MLC1: variants seen among roughly 807,000 people sequenced by gnomAD.
MLC1 encodes membrane protein MLC1.
MLC1 carries 32 observed loss-of-function variants against 44.7 expected under a neutral mutation model. The observed-to-expected ratio is 0.72, with a 90% CI of 0.54 to 0.96. The LOEUF (loss-of-function observed/expected upper bound fraction) is 0.96. Among genes scored for constraint, MLC1 ranks in the 40% least tolerant of loss-of-function variants. The pLI is 0.00. For synonymous variants in MLC1, 190 were observed against 213.0 expected (o/e 0.89, Z 0.94); for missense variants, 459 against 492.2 (o/e 0.93, Z 0.64).
chr22:50,080,147 G>T, intron 4 of MLC1, 128 bp from the exon 5 acceptor site: 1 of 1,010,384 alleles, frequency 9.9e-7, no homozygotes. Context: ...GGAGTCCTGC[G>T]TGCTCAGCCC....
chr22:50,077,541 T>C, intron 5 of MLC1, 39 bp from the exon 6 acceptor site: 1 of 1,535,226 alleles, frequency 6.5e-7, no homozygotes, highest in Non-Finnish European at 9.0e-7. Context: ...CGGGCCCGCC[T>C]TTCTCACGCC....
chr22:50,064,140 A>C lies in MLC1; in HGVS notation c.953T>G (p.Leu318Arg). The C allele has an allele frequency of 6.2e-7, 1 of 1,608,756 alleles. No individual in the cohort carries two copies. The highest frequency in any genetic ancestry group is 8.5e-7 in the Non-Finnish European group (1 of 1,179,840). ...LLLVLLLQAG[L>R]NTGTAIQCVR... The stretch of plus-strand genomic sequence containing the variant: ...GCACTGGATGGCGGTGCCCGTGTTG[A>C]GGCCGGCCTGCAGCAGGAGCACTAG... The change falls in exon 11 of 12, where the codon CTC becomes CGC. Residue 318 changes from leucine to arginine, a missense_variant. Transcript: ENST00000311597.
intron 10 of MLC1, among the ~76,000 whole-genome samples, chr22:50,067,428 CCT>C (rs2061728758): frequency 7.4e-6 from 1 of 134,758 alleles, no homozygotes; most frequent in African/African-American, 2.8e-5. Flanking sequence ...GACTCTATCC[CCT>C]GTCAGGCAGT....
rs1292468048 is a variant in MLC1 at position 50,076,931 on chromosome 22, G to A, written c.526-19C>T. 5 of 1,613,652 alleles carry A rather than the reference G, an allele frequency of 3.1e-6. No homozygotes were observed. The highest frequency in any genetic ancestry group is 4.2e-6 in the Non-Finnish European group (5 of 1,179,776). ...TGGAGCCCTACGAAGAAACAGAACT[G>A]TCACCCCGGGTGCACGGGCACAGGG... On this transcript the variant is annotated intron_variant, in intron 6 of 11. Transcript: ENST00000311597.
chr22:50,076,322 G>A (rs2061979539), intron 7 of MLC1, among the ~76,000 whole-genome samples: 1 of 152,048 alleles, frequency 6.6e-6, no homozygotes, highest in African/African-American at 2.4e-5. Context: ...TGGAAGGCCT[G>A]GGTGGGTGGA....
intron 5 of MLC1, among the ~76,000 whole-genome samples, chr22:50,078,175 A>T (rs893827612): frequency 6.6e-6 from 1 of 151,878 alleles, no homozygotes; most frequent in Admixed American, 6.6e-5. Flanking sequence ...TATTTTTAGT[A>T]GAGAGGGGTT....
chr22:50,082,002 G>A (rs1273202503), intron 3 of MLC1, among the ~76,000 whole-genome samples: 1 of 152,268 alleles, frequency 6.6e-6, no homozygotes, highest in African/African-American at 2.4e-5. Flanking sequence ...AGAGACCCAG[G>A]ACAGCACGGG....
chr22:50,061,524 G>C lies in MLC1; in HGVS notation c.*59C>G. ...CAGTAGCTCAGGGCGATTAGGGGTT[G>C]TGCGTTTCCATGCTTGGGGCCAGGC... is the stretch of plus-strand genomic sequence containing the variant. On this transcript the variant is annotated 3_prime_UTR_variant, in exon 12 of 12. Transcript: ENST00000311597. The C allele has an allele frequency of 6.5e-7, 1 of 1,528,676 alleles. No individual in the cohort carries two copies. Among genetic ancestry groups the C allele is most frequent in the African/African-American group, 1.4e-5 (1 of 73,118 alleles). 94.7% of individuals were successfully genotyped at this position (1,528,676 alleles called of 1,614,324 possible).
rs764969139 is a variant in MLC1 at position 50,074,216 on chromosome 22, G to A, written c.714C>T (p.Ala238=). ...LSVTFFWILV[A]CFPSAIASHV... ...CGGGCGGGCCAGAGGGGTTACTCAC[G>A]GCCACTAGGATCCAAAAGAACGTCA... The change falls in exon 8 of 12, where the codon GCC becomes GCT. Residue 238 remains alanine, a splice_region_variant and synonymous_variant. Coordinates refer to ENST00000311597, the MANE Select transcript of MLC1 (RefSeq NM_015166.4). The A allele has an allele frequency of 1.6e-5, 25 of 1,611,804 alleles. No individual in the cohort carries two copies. The highest frequency in any genetic ancestry group is 1.1e-4 in the African/African-American group (8 of 74,878).
At chr22:50,067,407 C>CGTCAGGCAGTGACTCTATCCCCT (rs1324292006) in intron 10 of MLC1, among the ~76,000 whole-genome samples, 1 of 140,980 alleles carries the variant, frequency 7.1e-6, no homozygotes, top group Admixed American at 7.1e-5. Flanking sequence ...CTCCATCCCC[C>CGTCAGGCAGTGACTCTATCCCCT]GTCAGGCAGT....
intron 10 of MLC1, among the ~76,000 whole-genome samples, chr22:50,066,385 C>T (rs1344887499): frequency 6.6e-6 from 1 of 152,052 alleles, no homozygotes; most frequent in Admixed American, 6.6e-5. Flanking sequence ...TATGGCTGGG[C>T]ACGGTGGCTC....
chr22:50,074,631 C>T (rs1339640354), intron 7 of MLC1: 2 of 411,828 alleles, frequency 4.9e-6, no homozygotes, highest in Non-Finnish European at 9.2e-6. Context: ...GGGCAGAAAA[C>T]CAAGACCCTC....
rs1163633584 is a variant in MLC1, at chr22:50,077,387, G to C, written c.525+14C>G. The C allele has an allele frequency of 6.2e-7, 1 of 1,612,342 alleles. No homozygotes were observed. The highest frequency in any genetic ancestry group is 1.3e-5 in the African/African-American group (1 of 74,922). On this transcript the variant is annotated intron_variant, in intron 6 of 11. Coordinates refer to ENST00000311597, the MANE Select transcript of MLC1 (RefSeq NM_015166.4). ...CTGCACCCCCTGCCCTGCGGGGTCA[G>C]AAGCTGCACCCACCTTCTTTTTCTT... is the stretch of plus-strand genomic sequence containing the variant.
intron 8 of MLC1, among the ~76,000 whole-genome samples, chr22:50,071,381 C>T (rs2061848085): frequency 6.6e-6 from 1 of 152,184 alleles, no homozygotes; most frequent in Non-Finnish European, 1.5e-5. Context: ...CATGAGCCAC[C>T]GCACCTGGCC....
chr22:50,082,081 T>C (rs1029543165), intron 3 of MLC1, among the ~76,000 whole-genome samples: 1 of 151,992 alleles, frequency 6.6e-6, no homozygotes, highest in Non-Finnish European at 1.5e-5. Flanking sequence ...ACAGTGTCCC[T>C]AGAGAAAGGG....
At position 50,059,895 on chromosome 22, in the gene MLC1, A is replaced by G. The variant is rs1601952232; in HGVS notation, c.*1688T>C. 1 of 152,432 alleles carries G rather than the reference A, an allele frequency of 6.6e-6. No individual in the cohort carries two copies. 9.4% of individuals were successfully genotyped at this position (152,432 alleles called of 1,614,324 possible). A position where few individuals can be genotyped will look rare whatever the true frequency, so the allele number is the denominator to read the frequency against. On this transcript the variant is annotated 3_prime_UTR_variant, in exon 12 of 12. Coordinates refer to ENST00000311597, the MANE Select transcript of MLC1 (RefSeq NM_015166.4). ...CTGCATCCCCCTTCAATGGTTGAAA[A>G]TAATGATTCCACTTGTCATGAACAC...
Position 50,063,779 on chromosome 22 carries a change from G to GC in MLC1, c.1059+254dup, listed in dbSNP as rs1464161079. On this transcript the variant is annotated intron_variant, in intron 11 of 11. Coordinates refer to ENST00000311597, the MANE Select transcript of MLC1 (RefSeq NM_015166.4). ...ACAGGCTTCTCACCTCCCTGGCTGG[G>GC]CCCCCCATGGGCCACTCACCTCCCC... Among the ~76,000 whole-genome samples the GC allele has an allele frequency of 4.0e-3, 420 of 104,456 alleles. 45 individuals are homozygous for GC. Among genetic ancestry groups the GC allele is most frequent in the South Asian group, 9.9e-3 (25 of 2,534 alleles). 68.5% of individuals were successfully genotyped at this position (104,456 alleles called of 152,430 possible).
At chr22:50,075,779 G>A (rs1039700575) in intron 7 of MLC1, among the ~76,000 whole-genome samples, 1 of 151,744 alleles carries the variant, frequency 6.6e-6, no homozygotes, top group African/African-American at 2.4e-5. Flanking sequence ...TGCTAAATAA[G>A]GGGAAGTGAA....
At chr22:50,079,203 G>C (rs1396480407) in intron 5 of MLC1, among the ~76,000 whole-genome samples, 1 of 151,994 alleles carries the variant, frequency 6.6e-6, no homozygotes. Context: ...AGAATTGCTT[G>C]AACCCGGGAG....
Sources: allele counts gnomAD v4.1 joint callset (sites outside exome capture counted in the v4.1 genomes callset), GRCh38; gene constraint gnomAD v4.1.1; transcripts MANE v1.5; gene names NCBI Gene and HGNC (gene_info 2026-07-23, HGNC 2026-07-21).